The following DENND1B variants were observed in gnomAD, a reference collection of about 807,000 sequenced individuals.
DENND1B encodes DENN domain-containing protein 1B.
In DENND1B, 59 loss-of-function variants were observed where a neutral mutation model predicts 90.1. That is an observed-to-expected ratio of 0.65 (90% CI 0.53 to 0.81). The LOEUF (loss-of-function observed/expected upper bound fraction) is 0.81. Ranked by LOEUF, DENND1B falls within the 40% of genes least tolerant of loss-of-function variation. The probability of loss-of-function intolerance (pLI) is 0.00; values close to 1 mark genes in which losing one functional copy is unlikely to be tolerated. For synonymous variants in DENND1B, 337 were observed against 324.6 expected, an observed-to-expected ratio of 1.04 and a Z score of -0.41; for missense variants, 862 against 912.6, an observed-to-expected ratio of 0.94 and a Z score of 0.71.
chr1:197,641,772 C>T (rs1230861069), intron 10 of DENND1B, among the ~76,000 whole-genome samples: 1 of 152,006 alleles, frequency 6.6e-6, no homozygotes, highest in African/African-American at 2.4e-5. Context: ...CTGAAAATAC[C>T]TTTCTCACTG....
At chr1:197,750,587 T>TAGATAGAC (rs1203333578) in intron 2 of DENND1B, among the ~76,000 whole-genome samples, 1 of 151,644 alleles carries the variant, frequency 6.6e-6, no homozygotes, top group African/African-American at 2.4e-5. Flanking sequence ...GATAGATAGA[T>TAGATAGAC]AGATAGATAG....
rs193135402 is a variant in DENND1B at position 197,738,317 on chromosome 1, T to C, written c.83-23243A>G. Among the ~76,000 whole-genome samples, 19 of 152,316 alleles carry C rather than the reference T, an allele frequency of 1.2e-4. No homozygotes were observed. In the East Asian group the frequency reaches 3.7e-3, roughly 29 times the overall value. On this transcript the variant is annotated intron_variant, in intron 2 of 22. Coordinates refer to ENST00000620048, the MANE Select transcript of DENND1B (RefSeq NM_001195215.2). ...ATTTTCCTTTCAAAGCCAAAAAATA[T>C]CAACATTAAATCCACATAGAGAATG...
At chr1:197,669,611 GA>G (rs1655287870) in intron 5 of DENND1B, among the ~76,000 whole-genome samples, 1 of 151,950 alleles carries the variant, frequency 6.6e-6, no homozygotes, top group Admixed American at 6.6e-5. Flanking sequence ...CTGTCTTTCA[GA>G]AAAAATATTA....
intron 2 of DENND1B, chr1:197,746,774 G>T: frequency 6.6e-7 from 1 of 1,508,558 alleles, no homozygotes; most frequent in Non-Finnish European, 9.2e-7. Flanking sequence ...GTCACTTTGG[G>T]TTTCCCATCT....
At chr1:197,519,223 T>C (rs16841644) in intron 20 of DENND1B, among the ~76,000 whole-genome samples, 511 of 152,082 alleles carry the variant, frequency 3.4e-3, no homozygotes, top group Middle Eastern at 0.01. Flanking sequence ...AATTAAAATA[T>C]GAGTCATAAG....
At chr1:197,575,726 T>C (rs1420528986) in intron 15 of DENND1B, among the ~76,000 whole-genome samples, 1 of 152,186 alleles carries the variant, frequency 6.6e-6, no homozygotes, top group African/African-American at 2.4e-5. Context: ...ATGTGGCACA[T>C]ATACGTCATG....
chr1:197,692,431 A>T (rs183547990), intron 3 of DENND1B, among the ~76,000 whole-genome samples: 23 of 151,988 alleles, frequency 1.5e-4, no homozygotes, highest in South Asian at 8.3e-4. Context: ...CTACCTTTGT[A>T]GCCTCAGTAT....
rs36028786 is a variant in DENND1B at position 197,580,258 on chromosome 1, A to ATTT, written c.1149+2891_1149+2893dup. On this transcript the variant is annotated intron_variant, in intron 15 of 22. Coordinates refer to ENST00000620048, the MANE Select transcript of DENND1B (RefSeq NM_001195215.2). Reference sequence around the variant, plus strand: ...ATGCACCTGCCACCACGCCCAGCTAATTTTTTTTTTTTTTTTTTTTTAGTA... The same window carrying ATTT: ...ATGCACCTGCCACCACGCCCAGCTAATTTTTTTTTTTTTTTTTTTTTTTTAGTA... Among the ~76,000 whole-genome samples the ATTT allele has an allele frequency of 6.2e-4, 70 of 113,170 alleles. 2 individuals carry two copies. Among genetic ancestry groups the ATTT allele is most frequent in the Admixed American group, 1.6e-3 (17 of 10,520 alleles). The allele number at this position is 113,170 out of a possible 152,430, so 74.2% of individuals were successfully genotyped here. A position where few individuals can be genotyped will look rare whatever the true frequency, so the allele number is the denominator to read the frequency against.
intron 5 of DENND1B, among the ~76,000 whole-genome samples, chr1:197,663,393 C>T (rs771785063): frequency 3.9e-5 from 6 of 152,070 alleles, no homozygotes; most frequent in South Asian, 2.1e-4. Flanking sequence ...TACTCTATAA[C>T]GTAGCCATTG....
intron 15 of DENND1B, among the ~76,000 whole-genome samples, chr1:197,556,483 T>A (rs1347747248): frequency 1.3e-5 from 2 of 152,068 alleles, no homozygotes; most frequent in Non-Finnish European, 2.9e-5. Context: ...AATAATGGAA[T>A]CTTAGATTTT....
chr1:197,656,362 T>C (rs1238158062), intron 6 of DENND1B, among the ~76,000 whole-genome samples: 2 of 151,768 alleles, frequency 1.3e-5, no homozygotes, highest in African/African-American at 4.8e-5. Context: ...AGTGACAGAG[T>C]ACCAAATAAG....
At chr1:197,557,105 T>C (rs1671782331) in intron 15 of DENND1B, among the ~76,000 whole-genome samples, 1 of 152,028 alleles carries the variant, frequency 6.6e-6, no homozygotes, top group South Asian at 2.1e-4. Flanking sequence ...TTGGCATCTT[T>C]GCTATACATA....
intron 10 of DENND1B, among the ~76,000 whole-genome samples, chr1:197,634,627 TA>T (rs201837574): frequency 0.013 from 1,994 of 152,160 alleles, 17 homozygotes; most frequent in South Asian, 0.026. Flanking sequence ...CATAGACTTT[TA>T]AAAAAAATTA....
chr1:197,764,828 G>C (rs374115705), intron 2 of DENND1B, among the ~76,000 whole-genome samples: 1 of 152,082 alleles, frequency 6.6e-6, no homozygotes, highest in Admixed American at 6.6e-5. Flanking sequence ...AAGTAACACC[G>C]GTGTACTTAA....
At chr1:197,628,014 T>G (rs369204876) in intron 10 of DENND1B, among the ~76,000 whole-genome samples, 180 of 151,992 alleles carry the variant, frequency 1.2e-3, no homozygotes, top group African/African-American at 3.5e-3. Context: ...CACTGCTCAA[T>G]GAAATAAAAG....
intron 10 of DENND1B, among the ~76,000 whole-genome samples, chr1:197,631,496 T>G (rs1237149322): frequency 1.3e-5 from 2 of 151,980 alleles, no homozygotes; most frequent in Non-Finnish European, 2.9e-5. Context: ...CAGACAATAT[T>G]TCAAATAAAT....
At chr1:197,617,217 G>C (rs1260525748) in intron 11 of DENND1B, among the ~76,000 whole-genome samples, 1 of 150,860 alleles carries the variant, frequency 6.6e-6, no homozygotes, top group Non-Finnish European at 1.5e-5. Flanking sequence ...TGCTATTATT[G>C]AAAAAAGAGG....
At chr1:197,552,182 T>C (rs1456494603) in intron 16 of DENND1B, 2 of 971,736 alleles carry the variant, frequency 2.1e-6, no homozygotes, top group South Asian at 4.8e-5. Context: ...AAGTTTTTTT[T>C]CCTCAAAACA....
chr1:197,639,173 C>G (rs1322346329), intron 10 of DENND1B, among the ~76,000 whole-genome samples: 2 of 151,724 alleles, frequency 1.3e-5, no homozygotes, highest in Non-Finnish European at 2.9e-5. Flanking sequence ...AAGTGATTCT[C>G]TTGCCTCAGC....
Sources: gnomAD v4.1 joint callset for allele counts (sites outside exome capture counted in the v4.1 genomes callset) on GRCh38, gnomAD v4.1.1 for gene constraint, MANE v1.5 for transcripts, NCBI Gene and HGNC (gene_info 2026-07-23, HGNC 2026-07-21) for gene names.